The following ATP8A2 variants were observed in gnomAD, a reference collection of about 807,000 sequenced individuals.
ATP8A2 encodes phospholipid-transporting ATPase IB.
A neutral mutation model predicts 165.6 loss-of-function variants in ATP8A2; 100 were observed. That is an observed-to-expected ratio of 0.60 (90% confidence interval 0.51 to 0.71). The LOEUF (loss-of-function observed/expected upper bound fraction) is 0.71, where lower values mean the gene tolerates loss of function less well. ATP8A2 is among the 30% of genes least tolerant of loss of function. The pLI is 0.00. For missense variants in ATP8A2, 1,227 were observed against 1,479.5 expected, an observed-to-expected ratio of 0.83 and a Z score of 2.80; for synonymous variants, 543 against 548.8, an observed-to-expected ratio of 0.99 and a Z score of 0.15.
chr13:25,900,460 G>C (rs560366311), intron 33 of ATP8A2, among the ~76,000 whole-genome samples: 1 of 152,288 alleles, frequency 6.6e-6, no homozygotes, highest in East Asian at 1.9e-4. Flanking sequence ...GGGCTGTCAC[G>C]TGGAAGAAGT....
chr13:25,577,056 T>TC lies in ATP8A2; in HGVS notation c.1713-13_1713-12insC. 3 of 1,612,590 alleles carry TC rather than the reference T, an allele frequency of 1.9e-6. No individual in the cohort carries two copies. Among genetic ancestry groups the TC allele is most frequent in the Non-Finnish European group, 2.5e-6 (3 of 1,178,760 alleles). The stretch of plus-strand genomic sequence containing the variant: ...ACAGACCAATGATGACTTTTTTTTT[T>TC]TCACTCTCCCAGTGACAGAAAAAGA... On this transcript the variant is annotated splice_polypyrimidine_tract_variant and intron_variant, in intron 19 of 36. Coordinates refer to ENST00000381655, the MANE Select transcript of ATP8A2 (RefSeq NM_016529.6).
chr13:25,600,669 C>T (rs923328938), intron 24 of ATP8A2, among the ~76,000 whole-genome samples: 14 of 152,098 alleles, frequency 9.2e-5, no homozygotes, highest in South Asian at 4.2e-4. Flanking sequence ...GAAGCCAGGT[C>T]GAGATGGTAG....
intron 2 of ATP8A2, among the ~76,000 whole-genome samples, chr13:25,476,830 T>A (rs1292170003): frequency 6.6e-6 from 1 of 152,234 alleles, no homozygotes; most frequent in African/African-American, 2.4e-5. Flanking sequence ...TGAACGTGAA[T>A]GGCACAACAA....
At chr13:25,776,920 A>T (rs1483136387) in intron 27 of ATP8A2, among the ~76,000 whole-genome samples, 2 of 150,996 alleles carry the variant, frequency 1.3e-5, no homozygotes, top group Non-Finnish European at 2.9e-5. Flanking sequence ...CACTTTTCAG[A>T]TCGTCCCCTA....
intron 25 of ATP8A2, among the ~76,000 whole-genome samples, chr13:25,760,164 G>A (rs912916283): frequency 6.6e-6 from 1 of 152,152 alleles, no homozygotes; most frequent in African/African-American, 2.4e-5. Flanking sequence ...TAAGGGTTTT[G>A]TTCAGTTAAT....
At chr13:25,969,922 A>T (rs1362251506) in intron 35 of ATP8A2, among the ~76,000 whole-genome samples, 1 of 152,170 alleles carries the variant, frequency 6.6e-6, no homozygotes, top group African/African-American at 2.4e-5. Context: ...TGTTCTATCC[A>T]TCAGACAGCT....
intron 35 of ATP8A2, among the ~76,000 whole-genome samples, chr13:25,977,327 G>A (rs1310182732): frequency 6.6e-6 from 1 of 151,838 alleles, no homozygotes; most frequent in African/African-American, 2.4e-5. Context: ...GAGAGCCAAC[G>A]ACGCTCCCAG....
intron 2 of ATP8A2, among the ~76,000 whole-genome samples, chr13:25,518,502 C>G (rs2037551752): frequency 6.6e-6 from 1 of 151,906 alleles, no homozygotes; most frequent in African/African-American, 2.4e-5. Context: ...CATGGATTTA[C>G]TGTTTCCATT....
At chr13:25,584,895 T>G (rs1013341339) in intron 23 of ATP8A2, among the ~76,000 whole-genome samples, 2 of 152,238 alleles carry the variant, frequency 1.3e-5, no homozygotes, top group African/African-American at 4.8e-5. Flanking sequence ...CTTAGTGGTA[T>G]GTACCATAAG....
intron 33 of ATP8A2, among the ~76,000 whole-genome samples, chr13:25,959,394 C>G (rs543561409): frequency 6.6e-5 from 10 of 152,376 alleles, no homozygotes; most frequent in African/African-American, 2.4e-4. Context: ...GAGGCACTCT[C>G]AAGTCCATCG....
intron 24 of ATP8A2, among the ~76,000 whole-genome samples, chr13:25,688,326 G>A (rs1352943182): frequency 6.6e-6 from 1 of 151,714 alleles, no homozygotes; most frequent in Non-Finnish European, 1.5e-5. Flanking sequence ...GCCCCAACCT[G>A]CCCCAAAGCC....
intron 25 of ATP8A2, among the ~76,000 whole-genome samples, chr13:25,705,839 A>G (rs569211413): frequency 4.6e-5 from 7 of 152,394 alleles, no homozygotes; most frequent in African/African-American, 9.6e-5. Context: ...CTTTTACAAT[A>G]TGCAAAGTTA....
intron 25 of ATP8A2, among the ~76,000 whole-genome samples, chr13:25,746,607 T>C (rs552791284): frequency 1.3e-4 from 20 of 152,228 alleles, no homozygotes; most frequent in Non-Finnish European, 2.6e-4. Context: ...TTATGTTTCC[T>C]GCTCATTTGT....
intron 24 of ATP8A2, among the ~76,000 whole-genome samples, chr13:25,614,223 T>G (rs2040764048): frequency 6.6e-6 from 1 of 152,148 alleles, no homozygotes; most frequent in Admixed American, 6.6e-5. Context: ...TTTGTTCATT[T>G]TTTTGTATTG....
At chr13:25,568,598 G>A (rs528859558) in intron 16 of ATP8A2, among the ~76,000 whole-genome samples, 32 of 152,246 alleles carry the variant, frequency 2.1e-4, no homozygotes, top group South Asian at 1.5e-3. Flanking sequence ...GGTTACTGGG[G>A]GATAGAGAGA....
chr13:25,519,010 G>A (rs946966110), intron 2 of ATP8A2, among the ~76,000 whole-genome samples: 4 of 152,186 alleles, frequency 2.6e-5, no homozygotes, highest in Non-Finnish European at 5.9e-5. Flanking sequence ...AGGCCAATGC[G>A]TTGGCCCTTT....
At chr13:25,895,954 A>G (rs1236588436) in intron 33 of ATP8A2, among the ~76,000 whole-genome samples, 1 of 152,040 alleles carries the variant, frequency 6.6e-6, no homozygotes, top group Non-Finnish European at 1.5e-5. Context: ...CTAGCGGTCT[A>G]TCAATTTTGT....
In ATP8A2 at chr13:25,961,646, A is replaced by C; in HGVS notation, c.3255A>C (p.Glu1085Asp). The C allele has an allele frequency of 6.2e-7, 1 of 1,613,702 alleles. No individual in the cohort carries two copies. Among genetic ancestry groups the C allele is most frequent in the Non-Finnish European group, 8.5e-7 (1 of 1,179,616 alleles). ...LFLVPTACLI[E>D]DVAWRAAKHT... ...TGGTTCCTACTGCCTGTTTGATTGA[A>C]GATGTGGCATGGAGAGCGTAAGTTT... The change falls in exon 34 of 37, where the codon GAA becomes GAC. Residue 1085 changes from glutamate to aspartate, a missense_variant. Glu to Asp is a conservative substitution (Grantham distance 45). Transcript: ENST00000381655.
intron 24 of ATP8A2, among the ~76,000 whole-genome samples, chr13:25,677,580 G>T (rs1374789939): frequency 6.6e-6 from 1 of 151,878 alleles, no homozygotes; most frequent in Non-Finnish European, 1.5e-5. Context: ...GGTAGTCCAG[G>T]TAGCTCTGGG....
Sources: gnomAD v4.1 joint callset for allele counts (sites outside exome capture counted in the v4.1 genomes callset) on GRCh38, gnomAD v4.1.1 for gene constraint, MANE v1.5 for transcripts, NCBI Gene and HGNC (gene_info 2026-07-23, HGNC 2026-07-21) for gene names.